The following DLG2 variants were observed in gnomAD, a reference collection of about 807,000 sequenced individuals.
The protein encoded by DLG2 is discs large MAGUK scaffold protein 2.
A neutral mutation model predicts 132.5 loss-of-function variants in DLG2; 45 were observed. That is an observed-to-expected ratio of 0.34 (90% CI 0.27 to 0.44). The LOEUF is 0.44. Among genes scored for constraint, DLG2 ranks in the 20% least tolerant of loss-of-function variants. DLG2 has a pLI of 1.00. For synonymous variants in DLG2, 424 were observed against 419.6 expected, an observed-to-expected ratio of 1.01 and a Z score of -0.13; for missense variants, 1,045 against 1,196.9, an observed-to-expected ratio of 0.87 and a Z score of 1.87.
intron 8 of DLG2, among the ~76,000 whole-genome samples, chr11:84,178,911 T>A (rs1279601944): frequency 6.6e-6 from 1 of 152,066 alleles, no homozygotes. Flanking sequence ...AATCTCTAAT[T>A]GCTTTTATCT....
chr11:83,468,472 G>C (rs989238499), intron 25 of DLG2, among the ~76,000 whole-genome samples: 1 of 152,180 alleles, frequency 6.6e-6, no homozygotes, highest in African/African-American at 2.4e-5. Flanking sequence ...TTTTGAGAGG[G>C]AGGAAAATAG....
At chr11:83,633,742 A>AC (rs1460067771) in intron 18 of DLG2, among the ~76,000 whole-genome samples, 28 of 97,794 alleles carry the variant, frequency 2.9e-4, no homozygotes, top group Non-Finnish European at 5.0e-4. Flanking sequence ...ACACAGAACT[A>AC]AACACACACA....
chr11:83,758,963 C>T (rs1482572569), intron 18 of DLG2, among the ~76,000 whole-genome samples: 1 of 152,008 alleles, frequency 6.6e-6, no homozygotes. Context: ...AGAGAAAGTA[C>T]ACTTCAAAGG....
chr11:85,521,671 C>A (rs1316155858), intron 3 of DLG2, among the ~76,000 whole-genome samples: 1 of 152,134 alleles, frequency 6.6e-6, no homozygotes, highest in Admixed American at 6.5e-5. Flanking sequence ...GAACAAAATG[C>A]TCATGGACCT....
intron 7 of DLG2, among the ~76,000 whole-genome samples, chr11:84,349,072 CT>C (rs1180735700): frequency 1.3e-5 from 2 of 152,156 alleles, no homozygotes; most frequent in Non-Finnish European, 2.9e-5. Flanking sequence ...TGGAAAAACA[CT>C]TTTTGGAAAA....
chr11:84,338,498 A>G (rs1600171031), intron 7 of DLG2, among the ~76,000 whole-genome samples: 1 of 152,212 alleles, frequency 6.6e-6, no homozygotes, highest in Non-Finnish European at 1.5e-5. Context: ...AAGTTCCTTA[A>G]CAACTATGAG....
rs757123692 is a variant in DLG2, at chr11:84,880,969, T to C, written c.357+230692A>G. On this transcript the variant is annotated intron_variant, in intron 6 of 27. Coordinates refer to ENST00000376104, the MANE Select transcript of DLG2 (RefSeq NM_001142699.3). Reference sequence around the variant, plus strand: ...TAGTAGGGTTACAGAGATTAAAAACTAACAGATCTTTACGTTTTCGTGGGT... The same window carrying C: ...TAGTAGGGTTACAGAGATTAAAAACCAACAGATCTTTACGTTTTCGTGGGT... Among the ~76,000 whole-genome samples, 5 of 152,264 alleles carry C rather than the reference T, an allele frequency of 3.3e-5. No individual in the cohort carries two copies. In the South Asian group the frequency reaches 8.3e-4, roughly 25 times the overall value.
At position 83,881,401 on chromosome 11, in the gene DLG2, T is replaced by A. The variant is rs1297436612; in HGVS notation, c.1497-6913A>T. On this transcript the variant is annotated intron_variant, in intron 15 of 27. Coordinates refer to ENST00000376104, the MANE Select transcript of DLG2 (RefSeq NM_001142699.3). Reference sequence around the variant, plus strand: ...TACCGATTTTGATCTAGATTTTAAGTTTGTTAAGCTAACATTCAGTTATCA... The same window carrying A: ...TACCGATTTTGATCTAGATTTTAAGATTGTTAAGCTAACATTCAGTTATCA... 2.5e-4 allele frequency among the ~76,000 whole-genome samples: 38 copies of A among 152,188 alleles called. 2 individuals carry two copies. The highest frequency in any genetic ancestry group is 2.5e-3 in the Admixed American group (38 of 15,284).
rs536501797 is a variant in DLG2 at position 83,866,609 on chromosome 11, C to T, written c.1565+7811G>A. On this transcript the variant is annotated intron_variant, in intron 16 of 27. Coordinates refer to ENST00000376104, the MANE Select transcript of DLG2 (RefSeq NM_001142699.3). ...TTGGATATATTTAATTATATAACAA[C>T]GAGGAGAAAGTTTATTCACAATTAC... is the stretch of plus-strand genomic sequence containing the variant. 8.5e-5 allele frequency among the ~76,000 whole-genome samples: 13 copies of T among 152,118 alleles called. No homozygotes were observed. The East Asian group carries it at 1.5e-3, about 18-fold the overall frequency.
chr11:84,300,575 CTTCCTTCCTTCA>C (rs1201615523), intron 7 of DLG2, among the ~76,000 whole-genome samples: 2 of 152,070 alleles, frequency 1.3e-5, no homozygotes, highest in East Asian at 1.9e-4. Flanking sequence ...ACTTTCCTTC[CTTCCTTCCTTCA>C]TTCCTTCCTT....
intron 8 of DLG2, among the ~76,000 whole-genome samples, chr11:84,208,701 G>A (rs776907424): frequency 6.6e-6 from 1 of 152,046 alleles, no homozygotes; most frequent in Non-Finnish European, 1.5e-5. Context: ...ATGGTGTTTT[G>A]GCTGAAAACT....
At chr11:83,483,260 C>T in intron 22 of DLG2, 2 of 1,612,828 alleles carry the variant, frequency 1.2e-6, no homozygotes, top group Non-Finnish European at 1.7e-6. Context: ...TACTCAGAGT[C>T]TTTGTTCCAT....
intron 7 of DLG2, among the ~76,000 whole-genome samples, chr11:84,306,865 G>GA (rs1186335678): frequency 1.3e-5 from 2 of 152,100 alleles, no homozygotes; most frequent in Non-Finnish European, 2.9e-5. Flanking sequence ...AGCTTGTTGA[G>GA]AAAAAGGAAT....
intron 8 of DLG2, among the ~76,000 whole-genome samples, chr11:84,222,829 A>G (rs1253808027): frequency 6.6e-6 from 1 of 152,244 alleles, no homozygotes; most frequent in Admixed American, 6.5e-5. Context: ...TTAATTGGAA[A>G]GATACTAAGA....
intron 7 of DLG2, among the ~76,000 whole-genome samples, chr11:84,524,685 A>ACACTTT (rs2099314687): frequency 6.6e-6 from 1 of 152,208 alleles, no homozygotes; most frequent in Admixed American, 6.5e-5. Context: ...AAAGGATTTT[A>ACACTTT]CACTTTTAAA....
At chr11:84,912,243 C>T (rs1244469037) in intron 6 of DLG2, among the ~76,000 whole-genome samples, 4 of 152,230 alleles carry the variant, frequency 2.6e-5, no homozygotes, top group Non-Finnish European at 2.9e-5. Context: ...GCAAGCGCCA[C>T]CTCCTGGGTT....
At chr11:84,559,600 C>A (rs1374183973) in intron 6 of DLG2, among the ~76,000 whole-genome samples, 1 of 152,024 alleles carries the variant, frequency 6.6e-6, no homozygotes, top group Admixed American at 6.6e-5. Flanking sequence ...CCATCCAGAG[C>A]TACGAGAATC....
intron 19 of DLG2, among the ~76,000 whole-genome samples, chr11:83,597,379 T>A (rs1437267852): frequency 1.3e-5 from 2 of 152,112 alleles, no homozygotes; most frequent in Non-Finnish European, 2.9e-5. Context: ...TTCTACTTTT[T>A]AATCTAGGAA....
intron 6 of DLG2, among the ~76,000 whole-genome samples, chr11:84,985,405 CA>C (rs2056344000): frequency 1.3e-5 from 2 of 151,882 alleles, no homozygotes; most frequent in Non-Finnish European, 2.9e-5. Flanking sequence ...ATCAAGATGG[CA>C]ATTAAAAAAT....
Sources: gnomAD v4.1 joint callset for allele counts (sites outside exome capture counted in the v4.1 genomes callset) on GRCh38, gnomAD v4.1.1 for gene constraint, MANE v1.5 for transcripts, NCBI Gene and HGNC (gene_info 2026-07-23, HGNC 2026-07-21) for gene names.